Variants in RABGAP1L observed in about 807,000 individuals in gnomAD.
RABGAP1L encodes RAB GTPase activating protein 1 like, also known as rab GTPase-activating protein 1-like.
RABGAP1L carries 63 observed loss-of-function variants against 137.7 expected under a neutral mutation model. That is an observed-to-expected ratio of 0.46 (90% CI 0.37 to 0.56). The LOEUF (loss-of-function observed/expected upper bound fraction) is 0.56, where lower values mean the gene tolerates loss of function less well. Ranked by LOEUF, RABGAP1L falls within the 20% of genes least tolerant of loss-of-function variation. RABGAP1L has a pLI of 0.00. For missense variants in RABGAP1L, 1,095 were observed against 1,244.0 expected (o/e 0.88, Z 1.80); for synonymous variants, 431 against 433.7 (o/e 0.99, Z 0.08).
At chr1:174,507,675 G>A (rs888596541) in intron 13 of RABGAP1L, among the ~76,000 whole-genome samples, 14 of 151,996 alleles carry the variant, frequency 9.2e-5, no homozygotes, top group African/African-American at 3.4e-4. Flanking sequence ...TTTTGGTGAT[G>A]GTAATAAACC....
Position 174,272,459 on chromosome 1 carries a change from T to C in RABGAP1L, c.1032T>C (p.Ser344=). The change falls in exon 8 of 26, where the codon AGT becomes AGC. Residue 344 remains serine (S), a synonymous_variant. Transcript: ENST00000681986. ...GCCCAGGTCGAAACGTGAAGAACAGTGACATGCATTTACTGGATATGGTAA... is the reference window on the plus strand; with the variant it reads ...GCCCAGGTCGAAACGTGAAGAACAGCGACATGCATTTACTGGATATGGTAA... ...LLSPGRNVKN[S]DMHLLDMESM... is the part of the protein sequence containing the mutation. 1 of 1,600,284 alleles carries C rather than the reference T, an allele frequency of 6.2e-7. No individual in the cohort carries two copies. Among genetic ancestry groups the C allele is most frequent in the Non-Finnish European group, 8.5e-7 (1 of 1,174,924 alleles).
chr1:174,172,893 CT>C (rs1665530331), intron 1 of RABGAP1L, among the ~76,000 whole-genome samples: 2 of 151,998 alleles, frequency 1.3e-5, no homozygotes, highest in Non-Finnish European at 2.9e-5. Flanking sequence ...GTTGTTTGAG[CT>C]TTTGGTGTAG....
chr1:174,757,048 G>A (rs1012009194), intron 18 of RABGAP1L: 13 of 561,446 alleles, frequency 2.3e-5, no homozygotes, highest in African/African-American at 9.6e-5. Flanking sequence ...CACCAATCCC[G>A]GCCAGGCTCC....
At chr1:174,161,774 G>A (rs1664478940) in intron 1 of RABGAP1L, among the ~76,000 whole-genome samples, 1 of 149,874 alleles carries the variant, frequency 6.7e-6, no homozygotes, top group East Asian at 1.9e-4. Flanking sequence ...TGGCGCCCAG[G>A]CTGGAGTGCA....
chr1:174,678,193 A>G (rs1007167718), intron 14 of RABGAP1L, among the ~76,000 whole-genome samples: 3 of 152,206 alleles, frequency 2.0e-5, no homozygotes, highest in African/African-American at 7.2e-5. Context: ...ATTGAAACAA[A>G]AAGAAAATGA....
chr1:174,252,600 T>C lies in RABGAP1L; in HGVS notation c.986+10T>C. 2 of 1,607,472 alleles carry C rather than the reference T, an allele frequency of 1.2e-6. No homozygotes were observed. Among genetic ancestry groups the C allele is most frequent in the South Asian group, 2.2e-5 (2 of 89,564 alleles). On this transcript the variant is annotated intron_variant, in intron 7 of 25. Transcript: ENST00000681986. ...AATTAGCTATTGAAAGGTAAGCAGC[T>C]TGCTCCTAAATGCTACCAAAAACTT...
At chr1:174,520,597 A>T (rs921135872) in intron 13 of RABGAP1L, among the ~76,000 whole-genome samples, 1 of 152,246 alleles carries the variant, frequency 6.6e-6, no homozygotes, top group African/African-American at 2.4e-5. Flanking sequence ...TTGAAACTCC[A>T]GTAAATATTT....
At chr1:174,393,461 A>G (rs1191200639) in intron 12 of RABGAP1L, among the ~76,000 whole-genome samples, 1 of 152,154 alleles carries the variant, frequency 6.6e-6, no homozygotes, top group Non-Finnish European at 1.5e-5. Context: ...AAACTTGACT[A>G]TAATATGTAT....
intron 13 of RABGAP1L, among the ~76,000 whole-genome samples, chr1:174,417,542 A>G (rs1041899354): frequency 4.6e-5 from 7 of 152,232 alleles, no homozygotes; most frequent in Non-Finnish European, 7.3e-5. Flanking sequence ...ACAAGACAGT[A>G]TCTTGAACAA....
intron 19 of RABGAP1L, among the ~76,000 whole-genome samples, chr1:174,911,523 A>G (rs2149197496): frequency 6.6e-6 from 1 of 152,362 alleles, no homozygotes; most frequent in East Asian, 1.9e-4. Context: ...GAATGTGCTT[A>G]GGAGACTGGA....
At chr1:174,901,123 G>A (rs1243054503) in intron 19 of RABGAP1L, among the ~76,000 whole-genome samples, 1 of 152,038 alleles carries the variant, frequency 6.6e-6, no homozygotes, top group Non-Finnish European at 1.5e-5. Flanking sequence ...AAGTTCTCAT[G>A]TTGTGTTTTA....
chr1:174,577,595 T>A (rs987220305), intron 13 of RABGAP1L, among the ~76,000 whole-genome samples: 1 of 152,148 alleles, frequency 6.6e-6, no homozygotes, highest in African/African-American at 2.4e-5. Flanking sequence ...TTGGAAATAA[T>A]ATGGCCAGTA....
chr1:174,179,165 C>T (rs1430317687), intron 1 of RABGAP1L, among the ~76,000 whole-genome samples: 2 of 151,984 alleles, frequency 1.3e-5, no homozygotes, highest in Non-Finnish European at 2.9e-5. Context: ...TTGCCTTAGC[C>T]TAAGCTGATT....
intron 11 of RABGAP1L, among the ~76,000 whole-genome samples, chr1:174,346,108 T>G (rs1682406478): frequency 6.6e-6 from 1 of 152,182 alleles, no homozygotes; most frequent in Non-Finnish European, 1.5e-5. Context: ...TTGGTCATGA[T>G]GAATGATCTT....
At chr1:174,353,823 C>A (rs1303056267) in intron 11 of RABGAP1L, among the ~76,000 whole-genome samples, 1 of 152,220 alleles carries the variant, frequency 6.6e-6, no homozygotes, top group East Asian at 1.9e-4. Flanking sequence ...CAGTTCAAGA[C>A]CATCTTTTTT....
intron 13 of RABGAP1L, among the ~76,000 whole-genome samples, chr1:174,585,002 A>T (rs12751270): frequency 0.015 from 2,271 of 152,278 alleles, 22 homozygotes; most frequent in Non-Finnish European, 0.023. Context: ...CAGAATTGAC[A>T]AGTGTTGTAA....
intron 3 of RABGAP1L, among the ~76,000 whole-genome samples, chr1:174,229,435 G>A (rs1571658630): frequency 6.6e-6 from 1 of 152,110 alleles, no homozygotes; most frequent in African/African-American, 2.4e-5. Context: ...ATCCATAGAG[G>A]TTTACTTAGT....
At chr1:174,958,635 G>A (rs114297199) in intron 20 of RABGAP1L, among the ~76,000 whole-genome samples, 1,703 of 152,260 alleles carry the variant, frequency 0.011, 33 homozygotes, top group African/African-American at 0.04. Context: ...GCTGGACATA[G>A]GCAGCATAGT....
intron 10 of RABGAP1L, among the ~76,000 whole-genome samples, chr1:174,284,883 A>G (rs1330675078): frequency 1.3e-5 from 2 of 151,668 alleles, no homozygotes; most frequent in Non-Finnish European, 2.9e-5. Flanking sequence ...GGATTTCGAT[A>G]GGGATCACAT....
Sources: allele counts gnomAD v4.1 joint callset (sites outside exome capture counted in the v4.1 genomes callset), GRCh38; gene constraint gnomAD v4.1.1; transcripts MANE v1.5; gene names NCBI Gene and HGNC (gene_info 2026-07-23, HGNC 2026-07-21).